B3GLCT: variants seen among roughly 807,000 people sequenced by gnomAD.
The protein encoded by B3GLCT is beta-1,3-glucosyltransferase.
A neutral mutation model predicts 63.4 loss-of-function variants in B3GLCT; 65 were observed. The ratio of observed to expected loss-of-function variants is 1.03; its 90% CI spans 0.84 to 1.26. B3GLCT has a LOEUF of 1.26. B3GLCT is among the 50% of genes most tolerant of loss of function. B3GLCT has a pLI of 0.00. For synonymous variants in B3GLCT, 233 were observed against 219.2 expected (o/e 1.06, Z -0.55); for missense variants, 577 against 604.8 (o/e 0.95, Z 0.48).
chr13:31,215,012 A>C, intron 1 of B3GLCT, 39 bp from the exon 2 acceptor site: 4 of 1,561,046 alleles, frequency 2.6e-6, no homozygotes, highest in Non-Finnish European at 3.5e-6. Flanking sequence ...TGAATTGCTA[A>C]TTCTAAGGTA....
intron 4 of B3GLCT, among the ~76,000 whole-genome samples, chr13:31,243,146 GACAA>G (rs1871033806): frequency 6.6e-6 from 1 of 152,166 alleles, no homozygotes; most frequent in African/African-American, 2.4e-5. Context: ...TTGGAATTTA[GACAA>G]ACAGTTGAAA....
intron 8 of B3GLCT, among the ~76,000 whole-genome samples, chr13:31,270,194 C>T (rs1283839094): frequency 1.3e-5 from 2 of 152,152 alleles, no homozygotes; most frequent in East Asian, 1.9e-4. Flanking sequence ...GTGGGCATGC[C>T]TGACTGCACA....
At chr13:31,244,660 C>CATAATTT (rs2137800914) in intron 4 of B3GLCT, among the ~76,000 whole-genome samples, 1 of 151,822 alleles carries the variant, frequency 6.6e-6, no homozygotes, top group South Asian at 2.1e-4. Context: ...TTTATTGCAC[C>CATAATTT]CTTTTTGATA....
chr13:31,229,083 T>C (rs1239192206), intron 3 of B3GLCT, 102 bp from the exon 4 acceptor site: 6 of 747,394 alleles, frequency 8.0e-6, no homozygotes, highest in Admixed American at 2.4e-5. Flanking sequence ...AAGAGTTTAC[T>C]GCCTGAAGGT....
chr13:31,225,924 G>A lies in B3GLCT; in HGVS notation c.160+2933G>A, dbSNP rs561646611. Among the ~76,000 whole-genome samples, 3 of 152,180 alleles carry A rather than the reference G, an allele frequency of 2.0e-5. No homozygotes were observed. The South Asian group carries it at 6.2e-4, about 32-fold the overall frequency. On this transcript the variant is annotated intron_variant, in intron 3 of 14. Transcript: ENST00000343307. ...AAATCCCTCATGATTTGTCTTAACG[G>A]ATCTGCCTCCGTTTCTAACTTTATC...
At chr13:31,222,461 GAACATTGTGGT>G (rs1409791788) in intron 2 of B3GLCT, among the ~76,000 whole-genome samples, 4 of 152,186 alleles carry the variant, frequency 2.6e-5, no homozygotes, top group Non-Finnish European at 4.4e-5. Context: ...AGGTTGGAGA[GAACATTGTGGT>G]AACATTCTTG....
At chr13:31,221,957 C>T (rs1002222760) in intron 2 of B3GLCT, among the ~76,000 whole-genome samples, 1 of 152,098 alleles carries the variant, frequency 6.6e-6, no homozygotes, top group Non-Finnish European at 1.5e-5. Flanking sequence ...CCAGATAAAT[C>T]TTTTGAGAGT....
At chr13:31,323,624 T>C (rs1875442279) in intron 13 of B3GLCT, 127 bp from the exon 14 acceptor site, 2 of 1,072,778 alleles carry the variant, frequency 1.9e-6, no homozygotes, top group Admixed American at 3.5e-5. Context: ...TAGAGCTCAG[T>C]AACTAGAGAA....
At chr13:31,251,333 C>T (rs189387682) in intron 6 of B3GLCT, among the ~76,000 whole-genome samples, 102 of 152,244 alleles carry the variant, frequency 6.7e-4, no homozygotes, top group Non-Finnish European at 1.4e-3. Flanking sequence ...CAACTCCTCA[C>T]CAGCAAGGGA....
Position 31,323,841 on chromosome 13 carries a change from A to G in B3GLCT, c.1275A>G (p.Gly425=). The part of the protein sequence containing the change: ...SNDAPDDMVL[G]MCFSGLGIPV... ...ATGCTCCCGATGATATGGTCCTGGGAATGTGCTTTAGTGGCTTGGGAATCC... is the reference window on the plus strand; with the variant it reads ...ATGCTCCCGATGATATGGTCCTGGGGATGTGCTTTAGTGGCTTGGGAATCC... The change falls in exon 14 of 15, where the codon GGA becomes GGG. Residue 425 remains glycine, a synonymous_variant. Transcript: ENST00000343307. The G allele has an allele frequency of 3.1e-6, 5 of 1,614,142 alleles. No homozygotes were observed. Among genetic ancestry groups the G allele is most frequent in the Non-Finnish European group, 4.2e-6 (5 of 1,180,008 alleles).
rs1467568486 is a variant in B3GLCT, at chr13:31,200,091, C to T, written c.7C>T (p.Pro3Ser). The change falls in exon 1 of 15, where the codon CCG (proline) becomes TCG (serine). Residue 3 changes from proline (P) to serine (S), a missense_variant. Transcript: ENST00000343307. MR[P>S]PACWWLLAPP... is the part of the protein sequence containing the mutation. ...CTCAGCCTCCGCCGCCAGGATGCGG[C>T]CGCCCGCCTGCTGGTGGCTGCTCGC... The T allele has an allele frequency of 7.3e-7, 1 of 1,373,632 alleles. No individual in the cohort carries two copies. Among genetic ancestry groups the T allele is most frequent in the South Asian group, 1.4e-5 (1 of 70,854 alleles). 85.1% of individuals were successfully genotyped at this position (1,373,632 alleles called of 1,614,324 possible).
At chr13:31,248,564 C>CT (rs1258113861) in intron 6 of B3GLCT, among the ~76,000 whole-genome samples, 2 of 152,142 alleles carry the variant, frequency 1.3e-5, no homozygotes, top group African/African-American at 4.8e-5. Context: ...GACATTTAAT[C>CT]TGAGTTCTGT....
At chr13:31,206,361 G>T (rs1868951435) in intron 1 of B3GLCT, among the ~76,000 whole-genome samples, 1 of 152,170 alleles carries the variant, frequency 6.6e-6, no homozygotes, top group Non-Finnish European at 1.5e-5. Flanking sequence ...GTGAAGCCAG[G>T]TGTGAGAACC....
Position 31,260,928 on chromosome 13 carries a change from T to C in B3GLCT, c.460-18T>C. On this transcript the variant is annotated intron_variant, in intron 6 of 14. Coordinates refer to ENST00000343307, the MANE Select transcript of B3GLCT (RefSeq NM_194318.4). ...AATGATTGTTTTTAAAGTGACATGT[T>C]ATATCTTTATTTAACAGGAATGGTT... 1 of 1,609,540 alleles carries C rather than the reference T, an allele frequency of 6.2e-7. No homozygotes were observed. The highest frequency in any genetic ancestry group is 1.3e-5 in the African/African-American group (1 of 74,954).
intron 4 of B3GLCT, 67 bp from the exon 5 acceptor site, chr13:31,246,956 T>TC: frequency 1.0e-6 from 1 of 978,554 alleles, no homozygotes; most frequent in Non-Finnish European, 1.5e-6. Flanking sequence ...CTTTTCTTTT[T>TC]TTTTTTTTTT....
At chr13:31,315,991 G>A (rs189976708) in intron 12 of B3GLCT, among the ~76,000 whole-genome samples, 55 of 152,326 alleles carry the variant, frequency 3.6e-4, no homozygotes, top group African/African-American at 1.3e-3. Flanking sequence ...GTACACAGAA[G>A]ACAAGAGTTG....
At chr13:31,268,008 A>C (rs963643433) in intron 7 of B3GLCT, among the ~76,000 whole-genome samples, 7 of 151,734 alleles carry the variant, frequency 4.6e-5, no homozygotes, top group Non-Finnish European at 8.8e-5. Context: ...CTAACTTAAA[A>C]ATTTTTTTTT....
chr13:31,217,540 CTATGTT>C (rs569662677), intron 2 of B3GLCT, among the ~76,000 whole-genome samples: 32 of 152,242 alleles, frequency 2.1e-4, no homozygotes, highest in African/African-American at 7.2e-4. Flanking sequence ...ATGGTATTTC[CTATGTT>C]TTCTTGTAGG....
At chr13:31,212,267 C>CT (rs59719685) in intron 1 of B3GLCT, among the ~76,000 whole-genome samples, 1,953 of 91,594 alleles carry the variant, frequency 0.021, 44 homozygotes, top group African/African-American at 0.043. Context: ...GCATAACTGG[C>CT]TTTTTTTTTT....
Sources: gnomAD v4.1 joint callset for allele counts (sites outside exome capture counted in the v4.1 genomes callset) on GRCh38, gnomAD v4.1.1 for gene constraint, MANE v1.5 for transcripts, NCBI Gene and HGNC (gene_info 2026-07-23, HGNC 2026-07-21) for gene names.